TNRC6A: variants seen among roughly 807,000 people sequenced by gnomAD.
TNRC6A encodes trinucleotide repeat containing adaptor 6A, also known as trinucleotide repeat-containing gene 6A protein.
In TNRC6A, 44 loss-of-function variants were observed where a neutral mutation model predicts 221.2. The ratio of observed to expected loss-of-function variants is 0.20; its 90% CI spans 0.16 to 0.26. TNRC6A has a LOEUF of 0.26. Ranked by LOEUF, TNRC6A falls within the 10% of genes least tolerant of loss-of-function variation. The probability of loss-of-function intolerance (pLI) is 1.00; values close to 1 mark genes in which losing one functional copy is unlikely to be tolerated. For synonymous variants in TNRC6A, 847 were observed against 838.5 expected, an observed-to-expected ratio of 1.01 and a Z score of -0.18; for missense variants, 2,199 against 2,404.4, an observed-to-expected ratio of 0.91 and a Z score of 1.79.
At chr16:24,762,824 G>C (rs1427531350) in intron 4 of TNRC6A, among the ~76,000 whole-genome samples, 1 of 152,144 alleles carries the variant, frequency 6.6e-6, no homozygotes, top group Non-Finnish European at 1.5e-5. Context: ...TTTAAAAACA[G>C]CCCCTGCAGT....
chr16:24,712,913 G>A (rs1243527394), intron 2 of TNRC6A, among the ~76,000 whole-genome samples: 1 of 36,464 alleles, frequency 2.7e-5, no homozygotes, highest in African/African-American at 7.0e-5. Flanking sequence ...GCCACTGTGT[G>A]TGTGTGTGTG....
At chr16:24,657,142 ATC>A (rs1272825232) in intron 2 of TNRC6A, among the ~76,000 whole-genome samples, 1 of 151,366 alleles carries the variant, frequency 6.6e-6, no homozygotes, top group Non-Finnish European at 1.5e-5. Context: ...GCAAGACGCT[ATC>A]TTCTACAAAA....
intron 2 of TNRC6A, among the ~76,000 whole-genome samples, chr16:24,688,174 C>T (rs1293505851): frequency 6.6e-6 from 1 of 151,584 alleles, no homozygotes; most frequent in Non-Finnish European, 1.5e-5. Context: ...CTCCTGACCT[C>T]GTGATCTGCT....
chr16:24,803,390 GCC>G (rs2058366240), intron 11 of TNRC6A: 1 of 152,032 alleles, frequency 6.6e-6, no homozygotes, highest in Non-Finnish European at 1.5e-5. Context: ...CTGCACTCTA[GCC>G]TGGGCTACAG....
chr16:24,821,992 C>G (rs2058774757), intron 22 of TNRC6A, 85 bp from the exon 23 acceptor site: 1 of 1,309,858 alleles, frequency 7.6e-7, no homozygotes, highest in Non-Finnish European at 1.1e-6. Context: ...TGAAGGAAGT[C>G]AAGAGGCCAG....
chr16:24,670,697 A>G (rs1188611068), intron 2 of TNRC6A, among the ~76,000 whole-genome samples: 3 of 152,068 alleles, frequency 2.0e-5, no homozygotes, highest in Non-Finnish European at 4.4e-5. Context: ...TGAGATTCGG[A>G]TGGAAAAATA....
rs200988628 is a variant in TNRC6A at position 24,791,137 on chromosome 16, C to T, written c.2495C>T (p.Ser832Leu). The change falls in exon 6 of 25, where the codon TCG becomes TTG. Residue 832 changes from serine (S) to leucine (L), a missense_variant. Ser to Leu is a moderately radical substitution (Grantham distance 145). Coordinates refer to ENST00000395799, the MANE Select transcript of TNRC6A (RefSeq NM_014494.4). ...GAGGAGAAGGCTGCATGGAATGACT[C>T]GCAAAAGAATAAACAGGGATGGGGT... ...CKEEKAAWND[S>L]QKNKQGWGDG... is the part of the protein sequence containing the mutation. The T allele has an allele frequency of 5.0e-6, 8 of 1,613,924 alleles. No homozygotes were observed. In the Admixed American group the frequency reaches 6.7e-5, roughly 13 times the overall value.
At chr16:24,754,105 T>A (rs2057195332) in intron 3 of TNRC6A, among the ~76,000 whole-genome samples, 1 of 152,186 alleles carries the variant, frequency 6.6e-6, no homozygotes, top group Non-Finnish European at 1.5e-5. Context: ...TAGGTTCTTA[T>A]ACCATGAATA....
intron 3 of TNRC6A, among the ~76,000 whole-genome samples, chr16:24,751,323 C>CA (rs1225546043): frequency 1.3e-5 from 2 of 152,160 alleles, no homozygotes; most frequent in Non-Finnish European, 2.9e-5. Context: ...AGTAAAGTGT[C>CA]AGTTTCTTTT....
intron 2 of TNRC6A, among the ~76,000 whole-genome samples, chr16:24,740,933 T>G (rs1359038086): frequency 6.6e-6 from 1 of 152,230 alleles, no homozygotes; most frequent in Non-Finnish European, 1.5e-5. Context: ...CTTAGCATAG[T>G]GTCCTCAAGA....
At chr16:24,776,226 CTTTTA>C in intron 4 of TNRC6A, 3 of 977,418 alleles carry the variant, frequency 3.1e-6, no homozygotes, top group Non-Finnish European at 3.6e-6. Context: ...TCTTTCCACT[CTTTTA>C]TGAGTCAAAA....
In TNRC6A at chr16:24,791,342, C is replaced by T. The variant is rs1203836100; in HGVS notation, c.2700C>T (p.Asn900=). 14 of 1,601,524 alleles carry T rather than the reference C, an allele frequency of 8.7e-6. No individual in the cohort carries two copies. Among genetic ancestry groups the T allele is most frequent in the Non-Finnish European group, 1.1e-5 (13 of 1,173,706 alleles). ...LGKTSSFTWG[N]NINPNNSSGW... Reference sequence around the variant, plus strand: ...AAACTAGTTCTTTCACTTGGGGAAACAACATAAATCCAAATAATTCATCAG... The same window carrying T: ...AAACTAGTTCTTTCACTTGGGGAAATAACATAAATCCAAATAATTCATCAG... The change falls in exon 6 of 25, where the codon AAC becomes AAT. Residue 900 remains asparagine (N), a synonymous_variant. Transcript: ENST00000395799.
intron 6 of TNRC6A, 55 bp from the exon 7 acceptor site, chr16:24,793,418 C>T (rs1282366348): frequency 5.4e-6 from 7 of 1,304,378 alleles, no homozygotes; most frequent in Non-Finnish European, 6.0e-6. Flanking sequence ...TCCCTTATTC[C>T]ACTGCACCTC....
intron 2 of TNRC6A, among the ~76,000 whole-genome samples, chr16:24,688,175 G>A (rs1202675955): frequency 2.6e-5 from 4 of 151,212 alleles, no homozygotes; most frequent in South Asian, 2.1e-4. Flanking sequence ...TCCTGACCTC[G>A]TGATCTGCTG....
chr16:24,633,931 C>A (rs991201719), intron 1 of TNRC6A, among the ~76,000 whole-genome samples: 10 of 152,072 alleles, frequency 6.6e-5, no homozygotes, highest in African/African-American at 2.2e-4. Flanking sequence ...AGTCATGCAC[C>A]ACCACACCTG....
At chr16:24,811,211 C>CCTTAGCTGCACA (rs1346876692) in intron 18 of TNRC6A, among the ~76,000 whole-genome samples, 2 of 152,120 alleles carry the variant, frequency 1.3e-5, no homozygotes, top group Non-Finnish European at 2.9e-5. Context: ...CCATGCTAAC[C>CCTTAGCTGCACA]CTTAGCTGCA....
At chr16:24,749,761 T>A (rs1294166896) in intron 2 of TNRC6A, among the ~76,000 whole-genome samples, 1 of 151,982 alleles carries the variant, frequency 6.6e-6, no homozygotes, top group African/African-American at 2.4e-5. Context: ...TTGCGCAGTC[T>A]GTCACTTTGA....
intron 2 of TNRC6A, among the ~76,000 whole-genome samples, chr16:24,682,534 A>T (rs2055553105): frequency 6.6e-6 from 1 of 151,996 alleles, no homozygotes; most frequent in Admixed American, 6.6e-5. Context: ...AGCTGAAGGA[A>T]GATTGAATAG....
At chr16:24,691,481 T>C (rs8052447) in intron 2 of TNRC6A, among the ~76,000 whole-genome samples, 9,899 of 152,112 alleles carry the variant, frequency 0.065, 805 homozygotes, top group East Asian at 0.32. Context: ...TGAAAGGGGC[T>C]GAAAGGGCCA....
Sources: gnomAD v4.1 joint callset for allele counts (sites outside exome capture counted in the v4.1 genomes callset) on GRCh38, gnomAD v4.1.1 for gene constraint, MANE v1.5 for transcripts, NCBI Gene and HGNC (gene_info 2026-07-23, HGNC 2026-07-21) for gene names.